The following RGS3 variants were observed in gnomAD, a reference collection of about 807,000 sequenced individuals.
RGS3 encodes regulator of G-protein signalling 3.
Under a neutral mutation model 132.6 loss-of-function variants are expected in RGS3, and 80 were observed. The ratio of observed to expected loss-of-function variants is 0.60; its 90% CI spans 0.50 to 0.73. The LOEUF (loss-of-function observed/expected upper bound fraction) is 0.73, where lower values mean the gene tolerates loss of function less well. Ranked by LOEUF, RGS3 falls within the 30% of genes least tolerant of loss-of-function variation. The probability of loss-of-function intolerance (pLI) is 0.00; values close to 1 mark genes in which losing one functional copy is unlikely to be tolerated. For missense variants in RGS3, 1,382 were observed against 1,530.8 expected, an observed-to-expected ratio of 0.90 and a Z score of 1.62; for synonymous variants, 598 against 620.6, an observed-to-expected ratio of 0.96 and a Z score of 0.54.
intron 1 of RGS3, among the ~76,000 whole-genome samples, chr9:113,453,734 C>T (rs1483167855): frequency 2.4e-5 from 3 of 123,274 alleles, no homozygotes; most frequent in Non-Finnish European, 4.8e-5. Flanking sequence ...ATAATATACT[C>T]ATTATATGAT....
At chr9:113,533,419 C>T (rs145956979) in intron 18 of RGS3, among the ~76,000 whole-genome samples, 1,959 of 152,154 alleles carry the variant, frequency 0.013, 52 homozygotes, top group African/African-American at 0.043. Flanking sequence ...TTAGTAGAGA[C>T]GGGGTTTCAT....
intron 14 of RGS3, among the ~76,000 whole-genome samples, chr9:113,512,604 G>A (rs1831455884): frequency 1.3e-5 from 2 of 152,152 alleles, no homozygotes; most frequent in Admixed American, 6.5e-5. Flanking sequence ...GAGGCTGTGG[G>A]TGCGCGTTGG....
intron 19 of RGS3, among the ~76,000 whole-genome samples, chr9:113,568,994 G>C: frequency 6.6e-6 from 1 of 152,254 alleles, no homozygotes; most frequent in South Asian, 2.1e-4. Flanking sequence ...CCTTCTGGCA[G>C]TGGGCCTAAG....
Position 113,595,913 on chromosome 9 carries a change from G to T in RGS3, c.3411+148G>T. 3 of 859,372 alleles carry T rather than the reference G, an allele frequency of 3.5e-6. No homozygotes were observed. In the South Asian group the frequency reaches 5.3e-5, roughly 15 times the overall value. 53.2% of individuals were successfully genotyped at this position (859,372 alleles called of 1,614,324 possible). A position where few individuals can be genotyped will look rare whatever the true frequency, so the allele number is the denominator to read the frequency against. ...ACCCAGCAGGGAAGATGCAAGCTAG[G>T]ATCAGGGGAAGAACAGAATCCCAGT... On this transcript the variant is annotated intron_variant, in intron 24 of 24. Coordinates refer to ENST00000350696, the Ensembl canonical transcript of RGS3.
chr9:113,466,002 TCCAAACCCAG>T (rs1026287426), intron 3 of RGS3, among the ~76,000 whole-genome samples: 5 of 152,208 alleles, frequency 3.3e-5, no homozygotes, highest in Non-Finnish European at 7.3e-5. Context: ...ATCAGTGGTT[TCCAAACCCAG>T]CCAAATATCA....
chr9:113,503,915 C>A (rs1386324711), intron 10 of RGS3, among the ~76,000 whole-genome samples: 1 of 152,186 alleles, frequency 6.6e-6, no homozygotes, highest in African/African-American at 2.4e-5. Flanking sequence ...TTCTTTCTTT[C>A]CATTTTTTTC....
chr9:113,507,558 A>T lies in RGS3; in HGVS notation c.1357A>T (p.Thr453Ser). ...GGTGGCCAAGCGCGGGGGCCAGCAC[A>T]CCCTGCCTGCACTGTCCCGTGCCAC... Residue 453 changes from threonine to serine, a missense_variant, in exon 13 of 25, where the codon ACC (threonine) becomes TCC (serine). Physicochemically the swap from Thr to Ser is moderately conservative, Grantham distance 58. Transcript: ENST00000350696. The surrounding 1 kb of genome is among the most constrained non-coding windows in gnomAD (Gnocchi z 5.0). 2 of 1,580,646 alleles carry T rather than the reference A, an allele frequency of 1.3e-6. No individual in the cohort carries two copies. Among genetic ancestry groups the T allele is most frequent in the Non-Finnish European group, 1.7e-6 (2 of 1,162,690 alleles).
chr9:113,501,426 C>T, intron 10 of RGS3: 1 of 1,472,534 alleles, frequency 6.8e-7, no homozygotes, highest in African/African-American at 1.4e-5. Flanking sequence ...ACAGACAGGG[C>T]TTGGGGAGGT....
chr9:113,578,862 C>G (rs979813227), intron 19 of RGS3, among the ~76,000 whole-genome samples: 2 of 152,128 alleles, frequency 1.3e-5, no homozygotes, highest in Non-Finnish European at 2.9e-5. Flanking sequence ...CTCACTTGGT[C>G]CCCTTAGGTC....
exon 25 of RGS3, chr9:113,596,802 A>G: frequency 6.2e-7 from 1 of 1,613,106 alleles, no homozygotes; most frequent in Non-Finnish European, 8.5e-7. Flanking sequence ...GAGCACACCA[A>G]GGACAACCTG....
At chr9:113,509,370 G>A (rs1339942837) in intron 14 of RGS3, among the ~76,000 whole-genome samples, 1 of 152,082 alleles carries the variant, frequency 6.6e-6, no homozygotes, top group African/African-American at 2.4e-5. Context: ...TCAGAGGGTT[G>A]TTGGGGGGAT....
exon 11 of RGS3, chr9:113,505,498 A>T (rs144510795): frequency 5.0e-6 from 8 of 1,614,060 alleles, no homozygotes; most frequent in Non-Finnish European, 6.8e-6. Flanking sequence ...GCGACTCTCC[A>T]GTTCGAGTCC....
At chr9:113,551,258 G>A (rs747516330) in intron 19 of RGS3, among the ~76,000 whole-genome samples, 10 of 152,122 alleles carry the variant, frequency 6.6e-5, no homozygotes, top group Non-Finnish European at 1.0e-4. Context: ...CTTTCATTTA[G>A]TCTAATGTTT....
intron 20 of RGS3, among the ~76,000 whole-genome samples, chr9:113,585,589 A>G (rs1317204593): frequency 6.6e-6 from 1 of 152,250 alleles, no homozygotes; most frequent in Non-Finnish European, 1.5e-5. Flanking sequence ...TTCTGGAGGA[A>G]GATACCTCTC....
chr9:113,567,508 T>C (rs1834066871), intron 19 of RGS3, among the ~76,000 whole-genome samples: 1 of 152,234 alleles, frequency 6.6e-6, no homozygotes, highest in African/African-American at 2.4e-5. Flanking sequence ...GCCCATCTCC[T>C]AGCTCTGTGC....
intron 1 of RGS3, chr9:113,461,639 C>T (rs1387559600): frequency 1.3e-5 from 19 of 1,478,590 alleles, no homozygotes; most frequent in Non-Finnish European, 1.7e-5. Context: ...ACCTACAAAG[C>T]AGTAGAATCT....
intron 3 of RGS3, among the ~76,000 whole-genome samples, chr9:113,478,551 G>A (rs140529323): frequency 0.015 from 2,227 of 152,234 alleles, 60 homozygotes; most frequent in African/African-American, 0.051. Context: ...GCTCATACCT[G>A]TAATCCCAGA....
chr9:113,501,653 G>A (rs1378992769), intron 10 of RGS3: 1 of 1,554,358 alleles, frequency 6.4e-7, no homozygotes, highest in Non-Finnish European at 8.7e-7. Context: ...CCTCTTGTGG[G>A]GAGCCTGTGG....
rs764222829 is a variant in RGS3, at chr9:113,507,941, G to T, written c.1437+303G>T. On this transcript the variant is annotated intron_variant, in intron 13 of 24. Transcript: ENST00000350696. The surrounding 1 kb of genome is among the most constrained non-coding windows in gnomAD (Gnocchi z 5.0). ...TTTCCCCAGTGGAATGGGCTGCCTT[G>T]GTAGGTGGTGAGCCCCCATCATAGG... 6.6e-6 allele frequency among the ~76,000 whole-genome samples: 1 copy of T among 152,164 alleles called. No homozygotes were observed. Among genetic ancestry groups the T allele is most frequent in the African/African-American group, 2.4e-5 (1 of 41,432 alleles).
Sources: gnomAD v4.1 joint callset for allele counts (sites outside exome capture counted in the v4.1 genomes callset) on GRCh38, gnomAD v4.1.1 for gene constraint, Gnocchi (gnomAD v3.1) non-coding constraint, MANE v1.5 for transcripts, NCBI Gene and HGNC (gene_info 2026-07-23, HGNC 2026-07-21) for gene names.